Variants in MXRA8 observed in about 807,000 individuals in gnomAD.
The protein encoded by MXRA8 is matrix remodeling-associated protein 8.
MXRA8 carries 44 observed loss-of-function variants against 51.4 expected under a neutral mutation model. The ratio of observed to expected loss-of-function variants is 0.86; its 90% confidence interval spans 0.67 to 1.10. MXRA8 has a LOEUF of 1.10. Ranked by LOEUF, MXRA8 falls within the 50% of genes least tolerant of loss-of-function variation. MXRA8 has a pLI of 0.00. For missense variants in MXRA8, 765 were observed against 638.9 expected (o/e 1.20, Z -2.13); for synonymous variants, 369 against 293.5 (o/e 1.26, Z -2.63).
upstream of MXRA8, among the ~76,000 whole-genome samples, chr1:1,362,572 G>T (rs1644233623): frequency 6.6e-6 from 1 of 152,014 alleles, no homozygotes; most frequent in South Asian, 2.1e-4. Flanking sequence ...CTGAGGTCAG[G>T]AGTTCAAGAC....
intron 2 of MXRA8, among the ~76,000 whole-genome samples, chr1:1,356,294 G>A (rs1023331288): frequency 6.9e-6 from 1 of 144,506 alleles, no homozygotes; most frequent in African/African-American, 2.6e-5. Context: ...ACCCTAGTGG[G>A]GGATGGGGAG....
rs1644057738 is a variant in MXRA8 at position 1,353,894 on chromosome 1, C to T, written c.1257G>A (p.Glu419=). The T allele has an allele frequency of 6.2e-7, 1 of 1,608,886 alleles. No homozygotes were observed. Among genetic ancestry groups the T allele is most frequent in the African/African-American group, 1.3e-5 (1 of 74,886 alleles). Residue 419 remains glutamate (E), a synonymous_variant, in exon 9 of 10, where the codon GAG becomes GAA. Coordinates refer to ENST00000309212, the MANE Select transcript of MXRA8 (RefSeq NM_032348.4). ...YKNNILKERA[E]LAHSPLPAKY... ...TGGCAGGCAGGGGGCTGTGGGCCAG[C>T]TCCGCCCTCTCCTTCAGGATGTTGT...
At chr1:1,360,096 C>G (rs933568298), upstream of MXRA8, among the ~76,000 whole-genome samples, 1 of 152,200 alleles carries the variant, frequency 6.6e-6, no homozygotes, top group Non-Finnish European at 1.5e-5. Flanking sequence ...TGGGAGGGCC[C>G]GGCTCTGGGT....
upstream of MXRA8, chr1:1,359,672 T>A (rs1463592092): frequency 4.1e-6 from 3 of 723,858 alleles, no homozygotes; most frequent in Non-Finnish European, 5.1e-6. Flanking sequence ...GCTGCTCCAG[T>A]GAGAGGAACG....
Position 1,355,323 on chromosome 1 carries a change from C to G in MXRA8, c.399G>C (p.Gly133=), listed in dbSNP as rs759796732. The G allele has an allele frequency of 6.3e-7, 1 of 1,578,110 alleles. No homozygotes were observed. Among genetic ancestry groups the G allele is most frequent in the Non-Finnish European group, 8.6e-7 (1 of 1,165,748 alleles). Residue 133 remains glycine (G), a synonymous_variant, in exon 4 of 10, where the codon GGG becomes GGC. Transcript: ENST00000309212. Reference sequence around the variant, plus strand: ...GATGGTGCAGGTTGCAGGTGTACAGCCCCGCGTCCGTCTCCTCCACCGCTG... The same window carrying G: ...GATGGTGCAGGTTGCAGGTGTACAGGCCCGCGTCCGTCTCCTCCACCGCTG... ...LIRAVEETDA[G]LYTCNLHHHY...
upstream of MXRA8, among the ~76,000 whole-genome samples, chr1:1,360,996 GCA>G (rs549818731): frequency 9.8e-4 from 132 of 134,658 alleles, no homozygotes; most frequent in African/African-American, 3.3e-3. Context: ...ACAGACACAT[GCA>G]CACACGCGAA....
chr1:1,353,329 G>A lies in MXRA8; in HGVS notation c.*275C>T. 2 of 1,549,510 alleles carry A rather than the reference G, an allele frequency of 1.3e-6. No individual in the cohort carries two copies. Among genetic ancestry groups the A allele is most frequent in the South Asian group, 1.2e-5 (1 of 83,986 alleles). On this transcript the variant is annotated 3_prime_UTR_variant, in exon 10 of 10. Coordinates refer to ENST00000309212, the MANE Select transcript of MXRA8 (RefSeq NM_032348.4). The stretch of plus-strand genomic sequence containing the variant: ...GGCCCCCAGCGGGCAGAGCCCAGAA[G>A]GGTCTGAGGGCATGATGGGCATCAG...
chr1:1,354,180 G>A lies in MXRA8; in HGVS notation c.1145+13C>T, dbSNP rs746273579. 1.9e-6 allele frequency: 3 copies of A among 1,612,686 alleles called. No homozygotes were observed. The highest frequency in any genetic ancestry group is 2.2e-5 in the East Asian group (1 of 44,882). On this transcript the variant is annotated intron_variant, in intron 7 of 9. Transcript: ENST00000309212. ...GCCCTGGTCCCCAGGAGGGCCGGGAGGGGGGCACTCACCCCTTTGACTTTC... is the reference window on the plus strand; with the variant it reads ...GCCCTGGTCCCCAGGAGGGCCGGGAAGGGGGCACTCACCCCTTTGACTTTC...
At chr1:1,362,016 T>C (rs755616444), upstream of MXRA8, among the ~76,000 whole-genome samples, 5 of 152,246 alleles carry the variant, frequency 3.3e-5, no homozygotes, top group Non-Finnish European at 7.3e-5. Flanking sequence ...AAAGAAAATG[T>C]GTTAATCCGT....
chr1:1,353,865 T>C lies in MXRA8; in HGVS notation c.1286A>G (p.Tyr429Cys). 1 of 1,602,824 alleles carries C rather than the reference T, an allele frequency of 6.2e-7. No individual in the cohort carries two copies. The highest frequency in any genetic ancestry group is 8.5e-7 in the Non-Finnish European group (1 of 1,174,642). Residue 429 changes from tyrosine (Y) to cysteine (C), a missense_variant, in exon 9 of 10, where the codon TAC becomes TGC. By Grantham distance (194) the Tyr-to-Cys change is radical. Coordinates refer to ENST00000309212, the MANE Select transcript of MXRA8 (RefSeq NM_032348.4). ...ELAHSPLPAK[Y>C]IDLDKGFRKE... ...CCGCTCACCTTTGTCTAGGTCGATG[T>C]ACTTGGCAGGCAGGGGGCTGTGGGC...
Position 1,354,504 on chromosome 1 carries a change from T to C in MXRA8, c.955A>G (p.Thr319Ala), listed in dbSNP as rs1289618493. ...ATGACGTTGTGGCCGCGCGCCAGTG[T>C]GGGGTCTGCGGGGAACGCGGGGTCG... is the stretch of plus-strand genomic sequence containing the variant. ...SHSGAPGPDP[T>A]LARGHNVINV... The change falls in exon 6 of 10, where the codon ACA becomes GCA. Residue 319 changes from threonine (T) to alanine (A), a missense_variant. Physicochemically the swap from Thr to Ala is moderately conservative, Grantham distance 58. Coordinates refer to ENST00000309212, the MANE Select transcript of MXRA8 (RefSeq NM_032348.4). 1 of 1,611,526 alleles carries C rather than the reference T, an allele frequency of 6.2e-7. No individual in the cohort carries two copies. Among genetic ancestry groups the C allele is most frequent in the Middle Eastern group, 1.7e-4 (1 of 5,830 alleles).
Position 1,355,536 on chromosome 1 carries a change from T to A in MXRA8, c.290A>T (p.Gln97Leu). Reference protein sequence around the residue: ...RLLDLYSAGEQRVYEARDRGR... With the variant: ...RLLDLYSAGELRVYEARDRGR... Reference sequence around the variant, plus strand: ...GCGGTCCCGCGCCTCGTACACGCGCTGCTCGCCCGCCGAGTACAAGTCCAG... The same window carrying A: ...GCGGTCCCGCGCCTCGTACACGCGCAGCTCGCCCGCCGAGTACAAGTCCAG... The change falls in exon 3 of 10, where the codon CAG (glutamine) becomes CTG (leucine). Residue 97 changes from glutamine to leucine, a missense_variant. Coordinates refer to ENST00000309212, the MANE Select transcript of MXRA8 (RefSeq NM_032348.4). The A allele has an allele frequency of 6.7e-7, 1 of 1,493,660 alleles. No individual in the cohort carries two copies. The highest frequency in any genetic ancestry group is 8.8e-7 in the Non-Finnish European group (1 of 1,131,244). 92.5% of individuals were successfully genotyped at this position (1,493,660 alleles called of 1,614,324 possible).
chr1:1,362,082 C>T (rs1231678297), upstream of MXRA8, among the ~76,000 whole-genome samples: 6 of 152,260 alleles, frequency 3.9e-5, no homozygotes, highest in Admixed American at 2.6e-4. Flanking sequence ...TGTTTTCCTG[C>T]TGATCCTGAC....
intron 1 of MXRA8, among the ~76,000 whole-genome samples, chr1:1,357,958 C>T (rs1182357808): frequency 2.0e-5 from 3 of 152,152 alleles, no homozygotes; most frequent in Non-Finnish European, 2.9e-5. Context: ...TGTTTCTATC[C>T]TGTGTCTCTA....
In MXRA8 at chr1:1,355,574, G is replaced by C. The variant is rs1305618617; in HGVS notation, c.252C>G (p.Pro84=). 6.8e-7 allele frequency: 1 copy of C among 1,479,318 alleles called. No individual in the cohort carries two copies. The highest frequency in any genetic ancestry group is 1.5e-5 in the African/African-American group (1 of 68,274). The allele number at this position is 1,479,318 out of a possible 1,614,324, so 91.6% of individuals were successfully genotyped here. A position where few individuals can be genotyped will look rare whatever the true frequency, so the allele number is the denominator to read the frequency against. ...AGTACAAGTCCAGCAGGCGCCGCGCGGGGCCACCCCCGGGGCCGCGCAGGT... is the reference window on the plus strand; with the variant it reads ...AGTACAAGTCCAGCAGGCGCCGCGCCGGGCCACCCCCGGGGCCGCGCAGGT... ...HWDLRGPGGG[P]ARRLLDLYSA... is the part of the protein sequence containing the mutation. Residue 84 remains proline, a synonymous_variant, in exon 3 of 10, where the codon CCC becomes CCG. Coordinates refer to ENST00000309212, the MANE Select transcript of MXRA8 (RefSeq NM_032348.4).
intron 5 of MXRA8, 36 bp from the exon 6 acceptor site, chr1:1,354,545 C>G: frequency 6.2e-7 from 1 of 1,601,364 alleles, no homozygotes; most frequent in Non-Finnish European, 8.5e-7. Flanking sequence ...GCGTCAGGTA[C>G]CAGCAAGACC....
chr1:1,359,829 C>T (rs1644197966), upstream of MXRA8, among the ~76,000 whole-genome samples: 1 of 152,244 alleles, frequency 6.6e-6, no homozygotes, highest in Admixed American at 6.5e-5. Flanking sequence ...CCACTCCCTC[C>T]CTGGGCCTTT....
At chr1:1,359,302 T>G, upstream of MXRA8, 1 of 985,340 alleles carries the variant, frequency 1.0e-6, no homozygotes, top group Non-Finnish European at 1.2e-6. Context: ...ATTACAAGCC[T>G]CCTGGAGAAA....
intron 9 of MXRA8, 72 bp from the exon 10 acceptor site, chr1:1,353,701 C>T: frequency 1.3e-6 from 2 of 1,495,878 alleles, no homozygotes; most frequent in Non-Finnish European, 9.1e-7. Context: ...ACAGGGCAGA[C>T]CCCCCCGCAG....
Sources: allele counts gnomAD v4.1 joint callset (sites outside exome capture counted in the v4.1 genomes callset), GRCh38; gene constraint gnomAD v4.1.1; transcripts MANE v1.5; gene names NCBI Gene and HGNC (gene_info 2026-07-23, HGNC 2026-07-21).